OXR1: variants seen among roughly 807,000 people sequenced by gnomAD.
OXR1 encodes oxidation resistance 1, also known as oxidation resistance protein 1.
A neutral mutation model predicts 104.6 loss-of-function variants in OXR1; 41 were observed. That is an observed-to-expected ratio of 0.39 (90% confidence interval 0.31 to 0.51). The LOEUF is 0.51. Among genes scored for constraint, OXR1 ranks in the 20% least tolerant of loss-of-function variants. The pLI is 0.77. For missense variants in OXR1, 955 were observed against 1,031.9 expected, an observed-to-expected ratio of 0.93 and a Z score of 1.02; for synonymous variants, 348 against 348.4, an observed-to-expected ratio of 1.00 and a Z score of 0.01.
At chr8:106,549,893 C>T (rs1009079217) in intron 3 of OXR1, among the ~76,000 whole-genome samples, 1 of 152,142 alleles carries the variant, frequency 6.6e-6, no homozygotes, top group Admixed American at 6.5e-5. Context: ...ACAAACAATC[C>T]TATTTTATCT....
At chr8:106,407,907 C>T (rs914631424) in intron 2 of OXR1, among the ~76,000 whole-genome samples, 1 of 152,174 alleles carries the variant, frequency 6.6e-6, no homozygotes, top group African/African-American at 2.4e-5. Context: ...CACTAGTGTA[C>T]TCAGGCACTA....
At chr8:106,597,174 T>C (rs1057303975) in intron 3 of OXR1, among the ~76,000 whole-genome samples, 1 of 152,144 alleles carries the variant, frequency 6.6e-6, no homozygotes, top group Non-Finnish European at 1.5e-5. Context: ...ATTCATATGC[T>C]GAAACCCTAA....
intron 11 of OXR1, among the ~76,000 whole-genome samples, chr8:106,731,130 C>T (rs546812914): frequency 6.6e-6 from 1 of 152,166 alleles, no homozygotes; most frequent in African/African-American, 2.4e-5. Context: ...TCATAGTGAG[C>T]ATCCTTTCAT....
chr8:106,463,363 G>A (rs557417708), intron 2 of OXR1, among the ~76,000 whole-genome samples: 140 of 152,148 alleles, frequency 9.2e-4, no homozygotes, highest in South Asian at 9.1e-3. Flanking sequence ...GGTATCAATC[G>A]AAGGCAGTAT....
intron 11 of OXR1, among the ~76,000 whole-genome samples, chr8:106,714,202 C>T (rs1248927232): frequency 6.6e-6 from 1 of 151,816 alleles, no homozygotes; most frequent in Non-Finnish European, 1.5e-5. Flanking sequence ...TACTAGAAAA[C>T]CCACTAGCAA....
At chr8:106,281,190 AGTT>A (rs1355435547) in intron 1 of OXR1, among the ~76,000 whole-genome samples, 1 of 152,276 alleles carries the variant, frequency 6.6e-6, no homozygotes, top group Admixed American at 6.5e-5. Flanking sequence ...GGGGCAGAAA[AGTT>A]GTGGAAAAGC....
chr8:106,477,069 A>G (rs912479293), intron 2 of OXR1, among the ~76,000 whole-genome samples: 2 of 152,018 alleles, frequency 1.3e-5, no homozygotes, highest in Non-Finnish European at 2.9e-5. Context: ...GCAGACCTCA[A>G]TCTACAGTAC....
At chr8:106,563,296 CAAA>C (rs145929849) in intron 3 of OXR1, among the ~76,000 whole-genome samples, 57,862 of 126,230 alleles carry the variant, frequency 0.46, 11,666 homozygotes, top group South Asian at 0.5. Context: ...AAATGGAAAG[CAAA>C]AAAAAAAAAA....
At chr8:106,439,379 A>G (rs918326519) in intron 2 of OXR1, among the ~76,000 whole-genome samples, 1 of 152,066 alleles carries the variant, frequency 6.6e-6, no homozygotes, top group South Asian at 2.1e-4. Context: ...CTCTGATCCC[A>G]GATTTCTAGC....
At chr8:106,614,174 G>A (rs1360036932) in intron 3 of OXR1, among the ~76,000 whole-genome samples, 3 of 152,070 alleles carry the variant, frequency 2.0e-5, no homozygotes, top group African/African-American at 7.2e-5. Context: ...TCTTGGAAAG[G>A]CTTGTTTTTA....
chr8:106,563,910 G>C (rs1238483071), intron 3 of OXR1, among the ~76,000 whole-genome samples: 1 of 152,058 alleles, frequency 6.6e-6, no homozygotes, highest in Non-Finnish European at 1.5e-5. Flanking sequence ...ACAAAATTAA[G>C]GAAGAAATAA....
intron 2 of OXR1, among the ~76,000 whole-genome samples, chr8:106,448,389 G>T (rs1410522692): frequency 1.1e-4 from 17 of 151,974 alleles, no homozygotes; most frequent in Admixed American, 1.1e-3. Context: ...ACCACCTATC[G>T]TTTATGAACA....
chr8:106,313,082 AT>A lies in OXR1; in HGVS notation c.-139+42722del, dbSNP rs1004173559. 4.4e-4 allele frequency among the ~76,000 whole-genome samples: 67 copies of A among 152,122 alleles called. 1 individual carries two copies. The highest frequency in any genetic ancestry group is 1.5e-3 in the African/African-American group (64 of 41,510). On this transcript the variant is annotated intron_variant, in intron 1 of 16. Coordinates refer to ENST00000517566, the MANE Select transcript of OXR1 (RefSeq NM_001198533.2). Reference sequence around the variant, plus strand: ...TTTTAGGAGGATAGAGAGCATCTTTATTTTTTTCTCCAGTAGTCATTTCTTA... The same window carrying A: ...TTTTAGGAGGATAGAGAGCATCTTTATTTTTTCTCCAGTAGTCATTTCTTA...
At chr8:106,523,582 C>T (rs1813419196) in intron 3 of OXR1, among the ~76,000 whole-genome samples, 1 of 152,078 alleles carries the variant, frequency 6.6e-6, no homozygotes, top group Non-Finnish European at 1.5e-5. Flanking sequence ...TCTCAACTCA[C>T]TAAGTTTATT....
chr8:106,321,928 A>G (rs1308291123), intron 1 of OXR1, among the ~76,000 whole-genome samples: 2 of 152,222 alleles, frequency 1.3e-5, no homozygotes, highest in Admixed American at 6.5e-5. Context: ...ACAACTTTAT[A>G]TATCTTCATT....
intron 3 of OXR1, among the ~76,000 whole-genome samples, chr8:106,610,618 T>A (rs1404040596): frequency 6.6e-6 from 1 of 152,194 alleles, no homozygotes; most frequent in East Asian, 1.9e-4. Context: ...TGGAAGTTCC[T>A]CTGGCTGCCA....
Position 106,745,811 on chromosome 8 carries a change from A to C in OXR1, c.2435A>C (p.Asn812Thr). The C allele has an allele frequency of 1.3e-6, 2 of 1,576,720 alleles. No individual in the cohort carries two copies. The highest frequency in any genetic ancestry group is 1.7e-6 in the Non-Finnish European group (2 of 1,147,436). Residue 812 changes from asparagine to threonine, a missense_variant, in exon 16 of 17, where the codon AAT becomes ACT. Coordinates refer to ENST00000517566, the MANE Select transcript of OXR1 (RefSeq NM_001198533.2). ...EFEVFKWTGDNMFFIKGDMDS... is the reference protein window; with the variant it reads ...EFEVFKWTGDTMFFIKGDMDS... ...TAGGTCTTTAAGTGGACAGGAGATA[A>C]TATGTTTTTTATCAAAGGAGACATG...
At chr8:106,676,358 T>C (rs530864619) in intron 3 of OXR1, among the ~76,000 whole-genome samples, 15 of 152,284 alleles carry the variant, frequency 9.9e-5, no homozygotes, top group African/African-American at 3.4e-4. Context: ...TGATGTTAGC[T>C]GGTTATTTTG....
At chr8:106,461,697 G>A (rs1422404276) in intron 2 of OXR1, among the ~76,000 whole-genome samples, 2 of 152,118 alleles carry the variant, frequency 1.3e-5, no homozygotes, top group Non-Finnish European at 2.9e-5. Flanking sequence ...TTCTTTATTT[G>A]TAAATTGACA....
Sources: allele counts gnomAD v4.1 joint callset (sites outside exome capture counted in the v4.1 genomes callset), GRCh38; gene constraint gnomAD v4.1.1; transcripts MANE v1.5; gene names NCBI Gene and HGNC (gene_info 2026-07-23, HGNC 2026-07-21).